The following ZKSCAN3 variants were observed in gnomAD, a reference collection of about 807,000 sequenced individuals.
ZKSCAN3 encodes zinc finger protein with KRAB and SCAN domains 3.
In ZKSCAN3, 21 loss-of-function variants were observed where a neutral mutation model predicts 30.7. The observed-to-expected ratio is 0.68, with a 90% CI of 0.49 to 0.99. The LOEUF is 0.99. Among genes scored for constraint, ZKSCAN3 ranks in the 50% least tolerant of loss-of-function variants. ZKSCAN3 has a pLI of 0.00. For missense variants in ZKSCAN3, 507 were observed against 647.1 expected, an observed-to-expected ratio of 0.78 and a Z score of 2.35; for synonymous variants, 201 against 246.7, an observed-to-expected ratio of 0.81 and a Z score of 1.73.
intron 5 of ZKSCAN3, among the ~76,000 whole-genome samples, chr6:28,365,157 T>A (rs1277739532): frequency 6.6e-6 from 1 of 152,074 alleles, no homozygotes; most frequent in Non-Finnish European, 1.5e-5. Context: ...TCCAACCACA[T>A]ACATCCCCAG....
chr6:28,353,031 C>T (rs774569467), intron 1 of ZKSCAN3, among the ~76,000 whole-genome samples: 1 of 147,176 alleles, frequency 6.8e-6, no homozygotes, highest in Admixed American at 6.9e-5. Context: ...TGCAGTGGTG[C>T]GATCTTGGCT....
Position 28,366,390 on chromosome 6 carries a change from T to A in ZKSCAN3, c.*105T>A. Reference sequence around the variant, plus strand: ...TTGTGGGCTGGGCTTTATTTACCACTACACATTATCAGGTGTTAGAAAATG... The same window carrying A: ...TTGTGGGCTGGGCTTTATTTACCACAACACATTATCAGGTGTTAGAAAATG... On this transcript the variant is annotated 3_prime_UTR_variant, in exon 6 of 6. Coordinates refer to ENST00000252211, the MANE Select transcript of ZKSCAN3 (RefSeq NM_024493.4). The A allele has an allele frequency of 8.0e-7, 1 of 1,251,858 alleles. No individual in the cohort carries two copies. The highest frequency in any genetic ancestry group is 1.1e-6 in the Non-Finnish European group (1 of 933,430). The allele number at this position is 1,251,858 out of a possible 1,614,324, so 77.5% of individuals were successfully genotyped here.
chr6:28,363,626 C>T, intron 4 of ZKSCAN3, 66 bp from the exon 5 acceptor site: 2 of 1,605,678 alleles, frequency 1.2e-6, no homozygotes, highest in Non-Finnish European at 1.7e-6. Context: ...GGGGGTGCTT[C>T]CCAGATCTTC....
rs1205644764 is a variant in ZKSCAN3, at chr6:28,361,473, T to C, written c.550+2T>C. ...GATCCCAGCCTTTACAAGATAGAGGTAAGGATTATTTTCTAGACAGTATGA... is the reference window on the plus strand; with the variant it reads ...GATCCCAGCCTTTACAAGATAGAGGCAAGGATTATTTTCTAGACAGTATGA... On this transcript the variant is annotated splice_donor_variant, in intron 3 of 5. Coordinates refer to ENST00000252211, the MANE Select transcript of ZKSCAN3 (RefSeq NM_024493.4). LOFTEE classifies it high-confidence loss of function. 3 of 1,602,756 alleles carry C rather than the reference T, an allele frequency of 1.9e-6. No homozygotes were observed. The South Asian group carries it at 3.4e-5, about 18-fold the overall frequency.
chr6:28,361,748 A>G (rs1765776945), intron 3 of ZKSCAN3, among the ~76,000 whole-genome samples: 1 of 147,598 alleles, frequency 6.8e-6, no homozygotes, highest in Non-Finnish European at 1.5e-5. Flanking sequence ...TTTTTCTTGT[A>G]TTGGTTTTTG....
chr6:28,360,591 CCTGT>C (rs1279997735), intron 2 of ZKSCAN3: 1 of 980,182 alleles, frequency 1.0e-6, no homozygotes, highest in East Asian at 1.1e-4. Flanking sequence ...CATGTTCTTC[CCTGT>C]TTTATGAGAC....
chr6:28,361,470 A>G lies in ZKSCAN3; in HGVS notation c.549A>G (p.Arg183=). 1 of 1,604,104 alleles carries G rather than the reference A, an allele frequency of 6.2e-7. No individual in the cohort carries two copies. The change falls in exon 3 of 6, where the codon AGA becomes AGG. Residue 183 remains arginine, a splice_region_variant and synonymous_variant. Coordinates refer to ENST00000252211, the MANE Select transcript of ZKSCAN3 (RefSeq NM_024493.4). ...ESVGSQPLQD[R]VLQVPVLAHG... ...TGGGATCCCAGCCTTTACAAGATAG[A>G]GGTAAGGATTATTTTCTAGACAGTA...
chr6:28,358,068 T>A (rs1317430304), intron 1 of ZKSCAN3, among the ~76,000 whole-genome samples: 2 of 152,234 alleles, frequency 1.3e-5, no homozygotes, highest in African/African-American at 2.4e-5. Context: ...GGTACAGCCA[T>A]CCTTCACTAT....
chr6:28,364,718 G>GT (rs1259457700), intron 5 of ZKSCAN3, among the ~76,000 whole-genome samples: 1 of 152,008 alleles, frequency 6.6e-6, no homozygotes, highest in Non-Finnish European at 1.5e-5. Context: ...CACTTTCGCT[G>GT]TTTCGTTTAT....
chr6:28,361,264 CT>C, intron 2 of ZKSCAN3, 59 bp from the exon 3 acceptor site: 1 of 1,564,462 alleles, frequency 6.4e-7, no homozygotes, highest in Non-Finnish European at 8.7e-7. Flanking sequence ...TGCCAGCCAC[CT>C]AGGTAGTTCT....
At position 28,359,696 on chromosome 6, in the gene ZKSCAN3, G is replaced by C; in HGVS notation, c.110G>C (p.Ser37Thr). 1 of 1,614,228 alleles carries C rather than the reference G, an allele frequency of 6.2e-7. No individual in the cohort carries two copies. Among genetic ancestry groups the C allele is most frequent in the Middle Eastern group, 1.6e-4 (1 of 6,062 alleles). The change falls in exon 2 of 6, where the codon AGC becomes ACC. Residue 37 changes from serine (S) to threonine (T), a missense_variant. Coordinates refer to ENST00000252211, the MANE Select transcript of ZKSCAN3 (RefSeq NM_024493.4). ...GAAGAAGAAGCCGGTTTTCCCAGTA[G>C]CCCAGATCTGGGTTCTGAGGGCTCC... is the stretch of plus-strand genomic sequence containing the variant. Reference protein sequence around the residue: ...VEEEEAGFPSSPDLGSEGSRE... With the variant: ...VEEEEAGFPSTPDLGSEGSRE...
rs369621239 is a variant in ZKSCAN3 at position 28,365,747 on chromosome 6, A to G, written c.1079A>G (p.His360Arg). Residue 360 changes from histidine to arginine, a missense_variant, in exon 6 of 6, where the codon CAT (histidine) becomes CGT (arginine). By Grantham distance (29) the His-to-Arg change is conservative (BLOSUM62 0). Coordinates refer to ENST00000252211, the MANE Select transcript of ZKSCAN3 (RefSeq NM_024493.4). ...AFIGSSALVI[H>R]QRVHTGEKPY... ...ATTGGGAGCTCTGCCCTTGTCATTC[A>G]TCAGAGAGTCCACACTGGTGAGAAG... is the stretch of plus-strand genomic sequence containing the variant. 4.2e-5 allele frequency: 68 copies of G among 1,613,970 alleles called. No individual in the cohort carries two copies. The highest frequency in any genetic ancestry group is 5.4e-5 in the Non-Finnish European group (64 of 1,179,964).
intron 2 of ZKSCAN3, 162 bp downstream of exon 2, chr6:28,360,150 A>G (rs1247316796): frequency 7.6e-7 from 1 of 1,309,604 alleles, no homozygotes; most frequent in East Asian, 2.5e-5. Context: ...TCCTTCTCAG[A>G]ATAATTTTTT....
At position 28,364,165 on chromosome 6, in the gene ZKSCAN3, A is replaced by G. The variant is rs111732744; in HGVS notation, c.757+350A>G. Among the ~76,000 whole-genome samples the G allele has an allele frequency of 3.9e-5, 6 of 152,100 alleles. No individual in the cohort carries two copies. The South Asian group carries it at 1.2e-3, about 32-fold the overall frequency. On this transcript the variant is annotated intron_variant, in intron 5 of 5. Transcript: ENST00000252211. ...TTTAATTTTAATTTTTTGTCGAGAT[A>G]GAGTTTTGCTATGTTGCCTAGGCTG...
chr6:28,359,453 T>C, intron 1 of ZKSCAN3, 72 bp from the exon 2 acceptor site: 2 of 1,158,020 alleles, frequency 1.7e-6, no homozygotes, highest in Non-Finnish European at 2.4e-6. Context: ...CAGAGATGTC[T>C]CTGGGCTCCT....
In ZKSCAN3 at chr6:28,365,833, C is replaced by G. The variant is rs760136180; in HGVS notation, c.1165C>G (p.Gln389Glu). The G allele has an allele frequency of 1.7e-5, 28 of 1,614,014 alleles. No homozygotes were observed. Among genetic ancestry groups the G allele is most frequent in the Non-Finnish European group, 2.0e-5 (24 of 1,180,024 alleles). ...FSHSSDLIKH[Q>E]RTHTGEKPYE... ...TCATAGCTCAGACCTTATCAAGCATCAGAGAACCCACACTGGGGAGAAGCC... is the reference window on the plus strand; with the variant it reads ...TCATAGCTCAGACCTTATCAAGCATGAGAGAACCCACACTGGGGAGAAGCC... Residue 389 changes from glutamine (Q) to glutamate (E), a missense_variant, in exon 6 of 6, where the codon CAG becomes GAG. Gln to Glu is a conservative substitution (Grantham distance 29). Coordinates refer to ENST00000252211, the MANE Select transcript of ZKSCAN3 (RefSeq NM_024493.4).
At position 28,365,424 on chromosome 6, in the gene ZKSCAN3, A is replaced by G; in HGVS notation, c.758-2A>G. Reference sequence around the variant, plus strand: ...ACAGTTGCCAGTTATTTGTTGTTTCAGGTGATGAAAAACAGACTAAGAGCA... The same window carrying G: ...ACAGTTGCCAGTTATTTGTTGTTTCGGGTGATGAAAAACAGACTAAGAGCA... On this transcript the variant is annotated splice_acceptor_variant, in intron 5 of 5. Coordinates refer to ENST00000252211, the MANE Select transcript of ZKSCAN3 (RefSeq NM_024493.4). LOFTEE classifies it high-confidence loss of function. The G allele has an allele frequency of 6.2e-7, 1 of 1,600,052 alleles. No individual in the cohort carries two copies. The highest frequency in any genetic ancestry group is 1.1e-5 in the South Asian group (1 of 88,468).
chr6:28,358,899 G>GAAAAA (rs201554097), intron 1 of ZKSCAN3, among the ~76,000 whole-genome samples: 1 of 106,076 alleles, frequency 9.4e-6, no homozygotes, highest in Non-Finnish European at 2.0e-5. Context: ...AAACAAATAA[G>GAAAAA]AAAAAAAAAA....
intron 1 of ZKSCAN3, among the ~76,000 whole-genome samples, chr6:28,354,847 T>A (rs1455893504): frequency 1.3e-5 from 2 of 152,246 alleles, no homozygotes; most frequent in Non-Finnish European, 2.9e-5. Context: ...GACTAGCCAC[T>A]TCTGTAACTT....
Sources: gnomAD v4.1 joint callset for allele counts (sites outside exome capture counted in the v4.1 genomes callset) on GRCh38, gnomAD v4.1.1 for gene constraint, MANE v1.5 for transcripts, NCBI Gene and HGNC (gene_info 2026-07-23, HGNC 2026-07-21) for gene names.